The following MARCHF1 variants were observed in gnomAD, a reference collection of about 807,000 sequenced individuals.
MARCHF1 encodes the protein E3 ubiquitin-protein ligase MARCHF1.
Under a neutral mutation model 54.2 loss-of-function variants are expected in MARCHF1, and 40 were observed. That is an observed-to-expected ratio of 0.74 (90% CI 0.57 to 0.96). The LOEUF (loss-of-function observed/expected upper bound fraction) is 0.96, where lower values mean the gene tolerates loss of function less well. Among genes scored for constraint, MARCHF1 ranks in the 40% least tolerant of loss-of-function variants. MARCHF1 has a pLI of 0.00. For synonymous variants in MARCHF1, 236 were observed against 236.3 expected (o/e 1.00, Z 0.01); for missense variants, 586 against 656.5 (o/e 0.89, Z 1.17).
At chr4:164,243,545 T>C (rs1301992667) in intron 1 of MARCHF1, among the ~76,000 whole-genome samples, 3 of 150,920 alleles carry the variant, frequency 2.0e-5, no homozygotes, top group Non-Finnish European at 4.4e-5. Flanking sequence ...AGAAACTGCA[T>C]CAACTAACGA....
At chr4:164,221,505 T>TA (rs1193838764) in intron 1 of MARCHF1, among the ~76,000 whole-genome samples, 1 of 151,866 alleles carries the variant, frequency 6.6e-6, no homozygotes, top group African/African-American at 2.4e-5. Flanking sequence ...AAAAGATAAA[T>TA]AAAAAATATA....
intron 1 of MARCHF1, among the ~76,000 whole-genome samples, chr4:164,291,091 T>C (rs1734273661): frequency 6.6e-6 from 1 of 151,972 alleles, no homozygotes; most frequent in Admixed American, 6.6e-5. Flanking sequence ...GAGACTACGA[T>C]TAAAGGTCAA....
chr4:163,545,947 A>ATGTGTGTG lies in MARCHF1; in HGVS notation c.1192-212_1192-205dup, dbSNP rs70948653. ...AGAGTTACATATAACTTAAATACATATGTGTGTGTGTGTGTGTGTGTGTGT... is the reference window on the plus strand; with the variant it reads ...AGAGTTACATATAACTTAAATACATATGTGTGTGTGTGTGTGTGTGTGTGTGTGTGTGT... On this transcript the variant is annotated intron_variant, in intron 8 of 9. Transcript: ENST00000514618. 3.0e-3 allele frequency among the ~76,000 whole-genome samples: 444 copies of ATGTGTGTG among 149,046 alleles called. 4 individuals carry two copies. The highest frequency in any genetic ancestry group is 0.01 in the African/African-American group (423 of 40,366).
intron 3 of MARCHF1, among the ~76,000 whole-genome samples, chr4:163,975,311 G>C (rs1752630867): frequency 6.6e-6 from 1 of 152,058 alleles, no homozygotes; most frequent in Non-Finnish European, 1.5e-5. Flanking sequence ...TTAACAAAGA[G>C]TGAGCATTGT....
chr4:164,354,399 A>G (rs1399339904), intron 1 of MARCHF1, among the ~76,000 whole-genome samples: 4 of 136,580 alleles, frequency 2.9e-5, no homozygotes, highest in Admixed American at 7.3e-5. Flanking sequence ...GCAGCACATC[A>G]AAAAGCTTAT....
chr4:163,621,744 G>A (rs995206576), intron 5 of MARCHF1, among the ~76,000 whole-genome samples: 2 of 152,126 alleles, frequency 1.3e-5, no homozygotes, highest in African/African-American at 4.8e-5. Flanking sequence ...AGGACAGGAG[G>A]AGAAAAACAA....
chr4:164,193,986 G>T (rs1051600388), intron 1 of MARCHF1, among the ~76,000 whole-genome samples: 12 of 151,608 alleles, frequency 7.9e-5, no homozygotes, highest in African/African-American at 2.9e-4. Flanking sequence ...CATTTTAAAG[G>T]TCTTGATGAC....
At chr4:163,568,132 G>A (rs375872727) in intron 8 of MARCHF1, among the ~76,000 whole-genome samples, 6 of 151,860 alleles carry the variant, frequency 4.0e-5, no homozygotes, top group Admixed American at 3.9e-4. Flanking sequence ...TTCCCATAAC[G>A]TCCCAATATA....
At chr4:164,158,421 A>C (rs2110932233) in intron 1 of MARCHF1, among the ~76,000 whole-genome samples, 1 of 152,242 alleles carries the variant, frequency 6.6e-6, no homozygotes, top group African/African-American at 2.4e-5. Context: ...CAGGTGGATC[A>C]CCTGAGGTCA....
At chr4:164,328,823 C>A (rs931806050) in intron 1 of MARCHF1, among the ~76,000 whole-genome samples, 2 of 152,162 alleles carry the variant, frequency 1.3e-5, no homozygotes, top group South Asian at 4.1e-4. Context: ...AGCCACCACA[C>A]CCGGCCACAT....
chr4:163,596,307 C>A (rs1041868452), intron 7 of MARCHF1, among the ~76,000 whole-genome samples: 2 of 151,768 alleles, frequency 1.3e-5, no homozygotes, highest in African/African-American at 4.8e-5. Context: ...TTTGGGAAGC[C>A]GAGGCAGGCA....
intron 4 of MARCHF1, among the ~76,000 whole-genome samples, chr4:163,744,995 C>T (rs948514874): frequency 3.3e-5 from 5 of 152,116 alleles, no homozygotes; most frequent in Admixed American, 6.5e-5. Flanking sequence ...GAAAACAAAA[C>T]CAACACCAAA....
At chr4:163,709,210 G>T (rs941774334) in intron 4 of MARCHF1, among the ~76,000 whole-genome samples, 1 of 152,064 alleles carries the variant, frequency 6.6e-6, no homozygotes, top group African/African-American at 2.4e-5. Flanking sequence ...TTAGCATGGC[G>T]GGATTGAGGG....
intron 4 of MARCHF1, among the ~76,000 whole-genome samples, chr4:163,723,919 A>G (rs1164287831): frequency 6.6e-6 from 1 of 152,126 alleles, no homozygotes; most frequent in East Asian, 1.9e-4. Context: ...TTAGTTAGCC[A>G]TTCGTCTAAT....
chr4:164,140,469 C>T (rs1756505344), intron 1 of MARCHF1, among the ~76,000 whole-genome samples: 1 of 152,144 alleles, frequency 6.6e-6, no homozygotes, highest in Admixed American at 6.5e-5. Context: ...ATGCCAGACC[C>T]CTCACCCACA....
At chr4:164,097,385 A>G (rs569275865) in intron 2 of MARCHF1, among the ~76,000 whole-genome samples, 1 of 152,258 alleles carries the variant, frequency 6.6e-6, no homozygotes, top group South Asian at 2.1e-4. Context: ...CCACAATAGC[A>G]TTAGCGATAT....
intron 1 of MARCHF1, among the ~76,000 whole-genome samples, chr4:164,177,032 T>C (rs1730709008): frequency 7.6e-6 from 1 of 132,074 alleles, no homozygotes; most frequent in South Asian, 2.7e-4. Context: ...ATTAGGCATG[T>C]TTCCTATCCC....
intron 9 of MARCHF1, 108 bp from the exon 10 acceptor site, chr4:163,529,154 G>C (rs1042537698): frequency 8.2e-6 from 6 of 729,886 alleles, no homozygotes; most frequent in Non-Finnish European, 1.3e-5. Context: ...TCTAGATTAT[G>C]TATGTTAACA....
chr4:164,038,984 G>A (rs2111013209), intron 2 of MARCHF1, among the ~76,000 whole-genome samples: 1 of 152,170 alleles, frequency 6.6e-6, no homozygotes, highest in East Asian at 1.9e-4. Flanking sequence ...AGATCATAAA[G>A]CTGAATAAGA....
Sources: gnomAD v4.1 joint callset for allele counts (sites outside exome capture counted in the v4.1 genomes callset) on GRCh38, gnomAD v4.1.1 for gene constraint, MANE v1.5 for transcripts, NCBI Gene and HGNC (gene_info 2026-07-23, HGNC 2026-07-21) for gene names.